The following ZZZ3 variants were observed in gnomAD, a reference collection of about 807,000 sequenced individuals.
ZZZ3 encodes the protein zinc finger ZZ-type containing 3, also known as ZZ-type zinc finger-containing protein 3.
In ZZZ3, 22 loss-of-function variants were observed where a neutral mutation model predicts 95.2. That is an observed-to-expected ratio of 0.23 (90% CI 0.17 to 0.33). ZZZ3 has a LOEUF of 0.33. Among genes scored for constraint, ZZZ3 ranks in the 10% least tolerant of loss-of-function variants. The probability of loss-of-function intolerance (pLI) is 1.00; values close to 1 mark genes in which losing one functional copy is unlikely to be tolerated. For missense variants in ZZZ3, 885 were observed against 1,066.5 expected (o/e 0.83, Z 2.37); for synonymous variants, 335 against 358.9 (o/e 0.93, Z 0.75).
intron 5 of ZZZ3, among the ~76,000 whole-genome samples, chr1:77,620,191 G>C (rs1259560442): frequency 6.6e-6 from 1 of 152,150 alleles, no homozygotes; most frequent in Non-Finnish European, 1.5e-5. Context: ...CAGGCAGTTA[G>C]GCATATGAGG....
chr1:77,581,740 T>C, intron 8 of ZZZ3, 36 bp downstream of exon 8: 1 of 1,500,208 alleles, frequency 6.7e-7, no homozygotes, highest in Non-Finnish European at 9.1e-7. Flanking sequence ...TGTCTAAAAT[T>C]CAAATTCTCC....
chr1:77,653,213 A>G lies in ZZZ3; in HGVS notation c.-402-11558T>C, dbSNP rs540394419. ...AAAAAAAGGCAGGCAGGCAGGCAGG[A>G]AGAATCCAGAATAGGCAAATCCATA... On this transcript the variant is annotated intron_variant, in intron 1 of 14. Transcript: ENST00000370801. 1.6e-4 allele frequency among the ~76,000 whole-genome samples: 25 copies of G among 152,002 alleles called. No individual in the cohort carries two copies. In the South Asian group the frequency reaches 5.2e-3, roughly 32 times the overall value.
chr1:77,637,130 C>T (rs187732937), intron 4 of ZZZ3, among the ~76,000 whole-genome samples: 1 of 152,246 alleles, frequency 6.6e-6, no homozygotes, highest in East Asian at 1.9e-4. Context: ...AGAAGCACTG[C>T]CTTAGGCTAG....
chr1:77,632,399 TCTA>T lies in ZZZ3; in HGVS notation c.953_955del (p.Val318del), dbSNP rs1310150199. The T allele has an allele frequency of 6.2e-7, 1 of 1,614,126 alleles. No homozygotes were observed. The highest frequency in any genetic ancestry group is 8.5e-7 in the Non-Finnish European group (1 of 1,180,002). On this transcript the variant is annotated inframe_deletion, in exon 5 of 15. Transcript: ENST00000370801. ...TGAGGCACTGCTATCTCCCACCACATCTACTTCCTCCTCAGAATCCCTTAAAGA... is the reference window on the plus strand; with the variant it reads ...TGAGGCACTGCTATCTCCCACCACATCTTCCTCCTCAGAATCCCTTAAAGA...
At chr1:77,610,138 A>C (rs1665646008) in intron 5 of ZZZ3, among the ~76,000 whole-genome samples, 1 of 149,648 alleles carries the variant, frequency 6.7e-6, no homozygotes, top group Admixed American at 6.6e-5. Context: ...ATCAGAGATA[A>C]AAAAAAAAAA....
chr1:77,655,112 T>C (rs1024444767), intron 1 of ZZZ3, among the ~76,000 whole-genome samples: 6 of 152,260 alleles, frequency 3.9e-5, no homozygotes, highest in Non-Finnish European at 7.4e-5. Context: ...AGCTCAGGTC[T>C]CTCTTCTTCT....
intron 5 of ZZZ3, among the ~76,000 whole-genome samples, chr1:77,585,333 TACCC>T (rs1237794946): frequency 6.6e-6 from 1 of 152,244 alleles, no homozygotes; most frequent in African/African-American, 2.4e-5. Context: ...CATATAGTTT[TACCC>T]ACACAAATAT....
intron 1 of ZZZ3, among the ~76,000 whole-genome samples, chr1:77,651,346 C>T (rs1385857252): frequency 6.6e-6 from 1 of 152,008 alleles, no homozygotes; most frequent in Admixed American, 6.6e-5. Context: ...GCCACTGCAC[C>T]CCAGCGTGGG....
chr1:77,571,876 AT>A (rs1035986135), intron 12 of ZZZ3, among the ~76,000 whole-genome samples: 10 of 152,322 alleles, frequency 6.6e-5, no homozygotes, highest in Admixed American at 5.2e-4. Context: ...TGTACATAGC[AT>A]TGCTGAACTG....
intron 5 of ZZZ3, among the ~76,000 whole-genome samples, chr1:77,618,626 T>C (rs1297381196): frequency 2.6e-5 from 4 of 152,210 alleles, no homozygotes; most frequent in African/African-American, 9.6e-5. Flanking sequence ...TTCGCAAGAT[T>C]GTTTGCTATC....
At chr1:77,595,572 T>C (rs1570457564) in intron 5 of ZZZ3, among the ~76,000 whole-genome samples, 2 of 152,070 alleles carry the variant, frequency 1.3e-5, no homozygotes, top group East Asian at 1.9e-4. Context: ...AGAGCATCTA[T>C]ATATTTTTTA....
rs746747343 is a variant in ZZZ3 at position 77,584,622 on chromosome 1, G to A, written c.1539C>T (p.Leu513=). Residue 513 remains leucine, a synonymous_variant, in exon 6 of 15, where the codon CTC becomes CTT. Coordinates refer to ENST00000370801, the MANE Select transcript of ZZZ3 (RefSeq NM_015534.6). ...GGACTGCTTGAGAACGCTGAGCCTC[G>A]AGTACAGCAATCGTCTGTAATAGTC... ...YQRLLQTIAV[L]EAQRSQAVQD... The A allele has an allele frequency of 1.4e-5, 22 of 1,609,620 alleles. No individual in the cohort carries two copies. Among genetic ancestry groups the A allele is most frequent in the African/African-American group, 4.0e-5 (3 of 74,610 alleles).
intron 5 of ZZZ3, among the ~76,000 whole-genome samples, chr1:77,594,628 T>C (rs765847878): frequency 7.9e-5 from 12 of 152,058 alleles, no homozygotes; most frequent in Non-Finnish European, 1.5e-4. Context: ...ATTCTGTTTA[T>C]GACATCTTGG....
At chr1:77,577,970 T>C (rs1275720798) in intron 11 of ZZZ3, among the ~76,000 whole-genome samples, 2 of 152,132 alleles carry the variant, frequency 1.3e-5, no homozygotes, top group East Asian at 3.9e-4. Flanking sequence ...AAACAGTAGC[T>C]TCTCCACTGT....
Position 77,584,580 on chromosome 1 carries a change from T to A in ZZZ3, c.1581A>T (p.Leu527Phe). 1 of 1,613,432 alleles carries A rather than the reference T, an allele frequency of 6.2e-7. No individual in the cohort carries two copies. The highest frequency in any genetic ancestry group is 8.5e-7 in the Non-Finnish European group (1 of 1,179,748). ...TCAGTGCTTCTCTCTGGTGCCTGCC[T>A]AAACTTTCAAGGTCTTGGACTGCTT... is the stretch of plus-strand genomic sequence containing the variant. Reference protein sequence around the residue: ...RSQAVQDLESLGRHQREALKN... With the variant: ...RSQAVQDLESFGRHQREALKN... The change falls in exon 6 of 15, where the codon TTA becomes TTT. Residue 527 changes from leucine to phenylalanine, a missense_variant. By Grantham distance (22) the Leu-to-Phe change is conservative (BLOSUM62 0). Coordinates refer to ENST00000370801, the MANE Select transcript of ZZZ3 (RefSeq NM_015534.6).
At chr1:77,589,350 T>C (rs1663423775) in intron 5 of ZZZ3, among the ~76,000 whole-genome samples, 1 of 152,014 alleles carries the variant, frequency 6.6e-6, no homozygotes, top group Non-Finnish European at 1.5e-5. Flanking sequence ...TATGAAAGAG[T>C]ATACAGGTAA....
rs916647118 is a variant in ZZZ3, at chr1:77,641,560, C to T, written c.-307G>A. On this transcript the variant is annotated 5_prime_UTR_variant, in exon 2 of 15. Transcript: ENST00000370801. ...TTTTGCCTAGTATTTGATCCCCATG[C>T]GTCTGTATTTATCTGTCATCACTGT... 2.5e-5 allele frequency: 10 copies of T among 398,084 alleles called. No homozygotes were observed. The highest frequency in any genetic ancestry group is 3.1e-5 in the Non-Finnish European group (7 of 225,876). The allele number at this position is 398,084 out of a possible 1,614,324, so 24.7% of individuals were successfully genotyped here.
rs1328400738 is a variant in ZZZ3 at position 77,576,052 on chromosome 1, G to C, written c.2331+16C>G. 1 of 1,584,050 alleles carries C rather than the reference G, an allele frequency of 6.3e-7. No homozygotes were observed. Among genetic ancestry groups the C allele is most frequent in the South Asian group, 1.2e-5 (1 of 84,832 alleles). ...TATACCTTGATGTATATAACAACTT[G>C]ATGTGTATAACTTACTGATGCATCT... On this transcript the variant is annotated intron_variant, in intron 12 of 14. Coordinates refer to ENST00000370801, the MANE Select transcript of ZZZ3 (RefSeq NM_015534.6).
chr1:77,667,763 C>CTTTT (rs34939314), intron 1 of ZZZ3, among the ~76,000 whole-genome samples: 8 of 115,080 alleles, frequency 7.0e-5, no homozygotes, highest in Admixed American at 1.8e-4. Flanking sequence ...AATGGGTATT[C>CTTTT]TTTTTTTTTT....
Sources: allele counts gnomAD v4.1 joint callset (sites outside exome capture counted in the v4.1 genomes callset), GRCh38; gene constraint gnomAD v4.1.1; transcripts MANE v1.5; gene names NCBI Gene and HGNC (gene_info 2026-07-23, HGNC 2026-07-21).